POC5: variants seen among roughly 807,000 people sequenced by gnomAD.
POC5 encodes the protein centrosomal protein POC5.
A neutral mutation model predicts 62.9 loss-of-function variants in POC5; 48 were observed. The ratio of observed to expected loss-of-function variants is 0.76; its 90% CI spans 0.61 to 0.97. The LOEUF (loss-of-function observed/expected upper bound fraction) is 0.97, where lower values mean the gene tolerates loss of function less well. Ranked by LOEUF, POC5 falls within the 50% of genes least tolerant of loss-of-function variation. The probability of loss-of-function intolerance (pLI) is 0.00; values close to 1 mark genes in which losing one functional copy is unlikely to be tolerated. For synonymous variants in POC5, 236 were observed against 228.2 expected (o/e 1.03, Z -0.31); for missense variants, 696 against 679.5 (o/e 1.02, Z -0.27).
intron 7 of POC5, 119 bp from the exon 8 acceptor site, chr5:75,690,681 C>T: frequency 1.1e-6 from 1 of 875,906 alleles, no homozygotes; most frequent in East Asian, 2.7e-5. Flanking sequence ...TCTATGTAAT[C>T]ATATTATTCT....
intron 5 of POC5, among the ~76,000 whole-genome samples, chr5:75,699,246 C>G (rs1055565834): frequency 6.5e-4 from 99 of 152,180 alleles, no homozygotes; most frequent in Non-Finnish European, 1.2e-3. Context: ...GATACCAAAG[C>G]CGGGCAGAGA....
At chr5:75,715,665 C>G (rs146229383) in intron 1 of POC5, among the ~76,000 whole-genome samples, 1 of 152,122 alleles carries the variant, frequency 6.6e-6, no homozygotes, top group East Asian at 1.9e-4. Flanking sequence ...TCCCTATACC[C>G]GACTCGTATG....
At position 75,677,856 on chromosome 5, in the gene POC5, C is replaced by T; in HGVS notation, c.1502G>A (p.Arg501Lys). ...TGRCDFASKN[R>K]ISSSLAIMGV... ...CATTATAGCTAAACTGCTGCTAATT[C>T]TATTTTTTGAAGCAAAATCACATCT... The change falls in exon 11 of 12, where the codon AGA becomes AAA. Residue 501 changes from arginine to lysine, a missense_variant. Physicochemically the swap from Arg to Lys is conservative, Grantham distance 26 (BLOSUM62 2). Transcript: ENST00000428202. 3.1e-6 allele frequency: 5 copies of T among 1,612,286 alleles called. No homozygotes were observed. The highest frequency in any genetic ancestry group is 4.2e-6 in the Non-Finnish European group (5 of 1,179,096).
chr5:75,690,492 C>A lies in POC5; in HGVS notation c.866G>T (p.Arg289Leu), dbSNP rs202144329. 1.2e-6 allele frequency: 2 copies of A among 1,608,230 alleles called. No individual in the cohort carries two copies. Among genetic ancestry groups the A allele is most frequent in the Admixed American group, 1.7e-5 (1 of 59,338 alleles). The change falls in exon 8 of 12, where the codon CGT (arginine) becomes CTT (leucine). Residue 289 changes from arginine (R) to leucine (L), a missense_variant. Arg to Leu is a moderately radical substitution (Grantham distance 102). Transcript: ENST00000428202. Reference sequence around the variant, plus strand: ...TTTCCACTGCTTTTGCACTACGGAACGCCAGACTTTCCAGACTTTCTTCAG... The same window carrying A: ...TTTCCACTGCTTTTGCACTACGGAAAGCCAGACTTTCCAGACTTTCTTCAG... Reference protein sequence around the residue: ...TLLKKVWKVWRSVVQKQWKDV... With the variant: ...TLLKKVWKVWLSVVQKQWKDV...
chr5:75,694,691 T>C lies in POC5; in HGVS notation c.654A>G (p.Gln218=), dbSNP rs752747592. Residue 218 remains glutamine (Q), a synonymous_variant, in exon 6 of 12, where the codon CAA becomes CAG. Transcript: ENST00000428202. ...TCCCAATGGAGATTTCAAAGGTTTT[T>C]TGCAGCTCCTTCAATTCATTGATCT... ...CNQINELKEL[Q]KTFEISIGRK... The C allele has an allele frequency of 1.3e-5, 20 of 1,579,082 alleles. No homozygotes were observed. The highest frequency in any genetic ancestry group is 1.5e-5 in the Non-Finnish European group (18 of 1,168,142).
At chr5:75,700,018 G>A (rs1200641307) in intron 5 of POC5, among the ~76,000 whole-genome samples, 1 of 151,868 alleles carries the variant, frequency 6.6e-6, no homozygotes, top group Non-Finnish European at 1.5e-5. Flanking sequence ...CAAGGGATGG[G>A]AAGGACCTCT....
chr5:75,697,731 T>A (rs1444100037), intron 5 of POC5, among the ~76,000 whole-genome samples: 1 of 151,958 alleles, frequency 6.6e-6, no homozygotes, highest in Non-Finnish European at 1.5e-5. Context: ...TAACTTTAAA[T>A]GTAAATGGGC....
chr5:75,703,486 T>A (rs1776982299), intron 4 of POC5, among the ~76,000 whole-genome samples: 1 of 151,706 alleles, frequency 6.6e-6, no homozygotes, highest in Non-Finnish European at 1.5e-5. Flanking sequence ...ATTAGCTGGG[T>A]GTGGTGGCAC....
In POC5 at chr5:75,682,513, C is replaced by A. The variant is rs866826573; in HGVS notation, c.1407+2694G>T. ...AGAGTTGAATTTTAGTGTTTTATTT[C>A]TTTCTTTTTTTTTTTTTTTTGAGAC... On this transcript the variant is annotated intron_variant, in intron 10 of 11. Transcript: ENST00000428202. Among the ~76,000 whole-genome samples, 244 of 84,260 alleles carry A rather than the reference C, an allele frequency of 2.9e-3. 2 individuals are homozygous for A. The East Asian group carries it at 0.032, about 11-fold the overall frequency. 55.3% of individuals were successfully genotyped at this position (84,260 alleles called of 152,430 possible). A position where few individuals can be genotyped will look rare whatever the true frequency, so the allele number is the denominator to read the frequency against.
chr5:75,712,785 C>T (rs1777403384), intron 2 of POC5, 69 bp downstream of exon 2: 1 of 1,170,792 alleles, frequency 8.5e-7, no homozygotes, highest in Non-Finnish European at 1.2e-6. Context: ...TTAAAAAATC[C>T]TAGTTTTCCC....
chr5:75,690,438 C>T lies in POC5; in HGVS notation c.920G>A (p.Arg307Lys). 1 of 1,612,524 alleles carries T rather than the reference C, an allele frequency of 6.2e-7. No homozygotes were observed. The highest frequency in any genetic ancestry group is 2.2e-5 in the East Asian group (1 of 44,854). Residue 307 changes from arginine to lysine, a missense_variant, in exon 8 of 12, where the codon AGA becomes AAA. Arg to Lys is a conservative substitution (Grantham distance 26, BLOSUM62 2). Coordinates refer to ENST00000428202, the MANE Select transcript of POC5 (RefSeq NM_001099271.2). ...AATCTGGATACAAACTTCTTCAGCT[C>T]TTGCTTGACAAGCTCTTTCTACCAC... ...KDVVERACQA[R>K]AEEVCIQISN...
At chr5:75,702,867 A>G (rs1193079474) in intron 4 of POC5, 57 bp from the exon 5 acceptor site, 3 of 1,374,436 alleles carry the variant, frequency 2.2e-6, no homozygotes, top group African/African-American at 1.5e-5. Context: ...TCAAGTTGGT[A>G]AGGAACCATA....
At chr5:75,698,826 C>G (rs890373970) in intron 5 of POC5, among the ~76,000 whole-genome samples, 4 of 151,904 alleles carry the variant, frequency 2.6e-5, no homozygotes, top group African/African-American at 4.8e-5. Flanking sequence ...GCTAGCAAGA[C>G]TAATAAAGAA....
rs879912602 is a variant in POC5, at chr5:75,714,377, C to CA, written c.-14-1427dup. Among the ~76,000 whole-genome samples, 655 of 143,864 alleles carry CA rather than the reference C, an allele frequency of 4.6e-3. 3 individuals carry two copies. Among genetic ancestry groups the CA allele is most frequent in the Non-Finnish European group, 4.6e-3 (301 of 65,340 alleles). The allele number at this position is 143,864 out of a possible 152,430, so 94.4% of individuals were successfully genotyped here. A position where few individuals can be genotyped will look rare whatever the true frequency, so the allele number is the denominator to read the frequency against. ...AGCCTGGGTGACAGAGACTCCGTCT[C>CA]AAAAAAAAAAGAGAGAGAGATCAAT... On this transcript the variant is annotated intron_variant, in intron 1 of 11. Transcript: ENST00000428202.
At chr5:75,676,767 C>T (rs10045313) in intron 11 of POC5, among the ~76,000 whole-genome samples, 13,486 of 151,076 alleles carry the variant, frequency 0.089, 825 homozygotes, top group East Asian at 0.33. Flanking sequence ...GATTGCAGTG[C>T]GCCAACATTG....
intron 5 of POC5, among the ~76,000 whole-genome samples, chr5:75,701,906 G>A (rs964956309): frequency 1.1e-4 from 16 of 152,106 alleles, no homozygotes; most frequent in Admixed American, 7.9e-4. Context: ...TGGATCTTTC[G>A]TTATTGCATA....
intron 2 of POC5, among the ~76,000 whole-genome samples, chr5:75,708,527 T>C (rs1307382398): frequency 1.3e-5 from 2 of 152,156 alleles, no homozygotes; most frequent in Admixed American, 1.3e-4. Flanking sequence ...AAACAAAATA[T>C]AGAAGCAAAC....
chr5:75,683,011 C>T (rs1396064607), intron 10 of POC5, among the ~76,000 whole-genome samples: 2 of 152,204 alleles, frequency 1.3e-5, no homozygotes, highest in African/African-American at 2.4e-5. Context: ...GTCTCAATAC[C>T]TCCTTTAGCT....
intron 5 of POC5, among the ~76,000 whole-genome samples, chr5:75,696,417 GC>G: frequency 6.6e-6 from 1 of 152,306 alleles, no homozygotes; most frequent in Middle Eastern, 3.4e-3. Context: ...CCTCCGAGCA[GC>G]CTAACTGGGA....
Sources: allele counts gnomAD v4.1 joint callset (sites outside exome capture counted in the v4.1 genomes callset), GRCh38; gene constraint gnomAD v4.1.1; transcripts MANE v1.5; gene names NCBI Gene and HGNC (gene_info 2026-07-23, HGNC 2026-07-21).